The following NUP50 variants were observed in gnomAD, a reference collection of about 807,000 sequenced individuals.
The protein encoded by NUP50 is nucleoporin 50, also known as nuclear pore complex protein Nup50.
In NUP50, 14 loss-of-function variants were observed where a neutral mutation model predicts 36.8. The observed-to-expected ratio is 0.38, with a 90% confidence interval of 0.25 to 0.59. NUP50 has a LOEUF of 0.59. Among genes scored for constraint, NUP50 ranks in the 20% least tolerant of loss-of-function variants. The pLI is 0.63. For synonymous variants in NUP50, 195 were observed against 210.8 expected, an observed-to-expected ratio of 0.93 and a Z score of 0.65; for missense variants, 455 against 564.6, an observed-to-expected ratio of 0.81 and a Z score of 1.97.
chr22:45,176,756 T>G (rs1469211730), intron 4 of NUP50, among the ~76,000 whole-genome samples: 2 of 152,116 alleles, frequency 1.3e-5, no homozygotes, highest in East Asian at 1.9e-4. Context: ...TGTTGTTGTT[T>G]TTTCTAAGTT....
intron 5 of NUP50, 73 bp from the exon 6 acceptor site, chr22:45,181,213 C>T (rs531724070): frequency 1.5e-4 from 130 of 852,920 alleles, no homozygotes; most frequent in African/African-American, 6.5e-4. Flanking sequence ...TAGGGTGTTA[C>T]GTAACAAAAC....
intron 1 of NUP50, among the ~76,000 whole-genome samples, chr22:45,165,515 C>G (rs1427054658): frequency 6.6e-6 from 1 of 152,188 alleles, no homozygotes; most frequent in African/African-American, 2.4e-5. Flanking sequence ...TTCTTCATAA[C>G]AGTAGCTAGA....
intron 1 of NUP50, chr22:45,165,941 C>G (rs997949715): frequency 1.3e-5 from 2 of 152,182 alleles, no homozygotes; most frequent in African/African-American, 4.8e-5. Flanking sequence ...AACTGGGATG[C>G]CAGCATCTTT....
chr22:45,171,268 C>G (rs920745609), intron 2 of NUP50: 1 of 827,208 alleles, frequency 1.2e-6, no homozygotes, highest in Non-Finnish European at 1.6e-6. Flanking sequence ...GCTATCTCGG[C>G]TCACTGCAAC....
Position 45,168,241 on chromosome 22 carries a change from G to A in NUP50, c.64G>A (p.Glu22Lys). 4.4e-6 allele frequency: 7 copies of A among 1,607,938 alleles called. No individual in the cohort carries two copies. Among genetic ancestry groups the A allele is most frequent in the Non-Finnish European group, 5.1e-6 (6 of 1,177,830 alleles). Residue 22 changes from glutamate (E) to lysine (K), a missense_variant, in exon 2 of 8, where the codon GAA (glutamate) becomes AAA (lysine). This residue lies in a region of NUP50 where 166 missense variants were observed against 202.8 expected (regional missense o/e 0.82). Transcript: ENST00000347635. ...DRNWDQEDEAEEVGTFSMASE... is the reference protein window; with the variant it reads ...DRNWDQEDEAKEVGTFSMASE... ...GAATTGGGATCAAGAAGATGAAGCT[G>A]AAGAGGTAAAAAGCAGCTTCCCTAA...
chr22:45,183,807 C>T (rs141017251), intron 7 of NUP50: 23 of 317,860 alleles, frequency 7.2e-5, no homozygotes, highest in African/African-American at 4.5e-4. Flanking sequence ...GGAAATTAAC[C>T]TTTTAAAGGA....
At chr22:45,181,489 T>C (rs931138781) in intron 6 of NUP50, 122 bp downstream of exon 6, 7 of 546,998 alleles carry the variant, frequency 1.3e-5, no homozygotes, top group Non-Finnish European at 2.0e-5. Context: ...CTTTGCCTGC[T>C]CTCAAGTGGA....
In NUP50 at chr22:45,187,827, G is replaced by A. The variant is rs2083465955; in HGVS notation, c.*3172G>A. The stretch of plus-strand genomic sequence containing the variant: ...ATGCAGACACAATTGTAATGGAGAT[G>A]TAAAACTTCTTAGCAATCAGATGGA... On this transcript the variant is annotated 3_prime_UTR_variant, in exon 8 of 8. Transcript: ENST00000347635. The A allele has an allele frequency of 6.6e-6, 1 of 152,642 alleles. No individual in the cohort carries two copies. Among genetic ancestry groups the A allele is most frequent in the African/African-American group, 2.4e-5 (1 of 41,458 alleles). 9.5% of individuals were successfully genotyped at this position (152,642 alleles called of 1,614,324 possible).
chr22:45,168,133 T>C (rs781462169), intron 1 of NUP50, 35 bp from the exon 2 acceptor site: 2 of 1,460,130 alleles, frequency 1.4e-6, no homozygotes, highest in East Asian at 2.3e-5. Context: ...TTTATTCTTC[T>C]AGAAAAATAA....
chr22:45,184,338 T>A, intron 7 of NUP50, 115 bp from the exon 8 acceptor site: 1 of 961,754 alleles, frequency 1.0e-6, no homozygotes, highest in Non-Finnish European at 1.6e-6. Flanking sequence ...TCCTGTTGGC[T>A]CCCTGTCTTA....
intron 3 of NUP50, among the ~76,000 whole-genome samples, chr22:45,172,584 C>G (rs2074212815): frequency 1.3e-5 from 2 of 151,398 alleles, no homozygotes; most frequent in Admixed American, 6.6e-5. Context: ...AAGGGACATG[C>G]AAGCTTATTT....
intron 2 of NUP50, among the ~76,000 whole-genome samples, chr22:45,168,898 A>AAT (rs569292072): frequency 0.031 from 4,038 of 131,632 alleles, 191 homozygotes; most frequent in East Asian, 0.11. Context: ...TATAAAAAAA[A>AAT]TTTTTTTTTT....
chr22:45,175,228 G>A (rs890866675), intron 3 of NUP50, among the ~76,000 whole-genome samples: 2 of 152,196 alleles, frequency 1.3e-5, no homozygotes, highest in African/African-American at 4.8e-5. Flanking sequence ...CATTTCCAGA[G>A]CATCTTAGGT....
intron 6 of NUP50, among the ~76,000 whole-genome samples, chr22:45,182,623 G>GCTT (rs766996077): frequency 6.3e-5 from 6 of 95,942 alleles, no homozygotes; most frequent in African/African-American, 2.5e-4. Context: ...CTTGAGGTTT[G>GCTT]TTTTTTTTTT....
In NUP50 at chr22:45,175,879, T is replaced by C. The variant is rs2074268950; in HGVS notation, c.154-15T>C. 2.5e-6 allele frequency: 4 copies of C among 1,613,626 alleles called. No individual in the cohort carries two copies. Among genetic ancestry groups the C allele is most frequent in the Non-Finnish European group, 3.4e-6 (4 of 1,179,832 alleles). ...AGTACACTTACCTAATGTGTGCTCC[T>C]CCTTCATACTTCAGTCTGACACTGG... is the stretch of plus-strand genomic sequence containing the variant. On this transcript the variant is annotated splice_polypyrimidine_tract_variant and intron_variant, in intron 3 of 7. Transcript: ENST00000347635.
intron 3 of NUP50, among the ~76,000 whole-genome samples, chr22:45,174,994 A>G (rs978649687): frequency 2.0e-5 from 3 of 151,646 alleles, no homozygotes; most frequent in African/African-American, 7.3e-5. Context: ...AATCATGGTT[A>G]TAATTCACTC....
At chr22:45,170,497 C>T (rs1035243765) in intron 2 of NUP50, among the ~76,000 whole-genome samples, 1 of 152,188 alleles carries the variant, frequency 6.6e-6, no homozygotes, top group Non-Finnish European at 1.5e-5. Flanking sequence ...GCAACTGTTT[C>T]CAAGCTTATT....
rs542360566 is a variant in NUP50, at chr22:45,187,083, A to T, written c.*2428A>T. On this transcript the variant is annotated 3_prime_UTR_variant, in exon 8 of 8. Transcript: ENST00000347635. ...TGTTTGAGAATCTATGAAGTGTATC[A>T]TATACGTGGCCTAAAGCAAGGTGTG... 1.1e-4 allele frequency: 17 copies of T among 151,904 alleles called. No homozygotes were observed. The highest frequency in any genetic ancestry group is 6.2e-4 in the South Asian group (3 of 4,810). 9.4% of individuals were successfully genotyped at this position (151,904 alleles called of 1,614,324 possible). A position where few individuals can be genotyped will look rare whatever the true frequency, so the allele number is the denominator to read the frequency against.
At chr22:45,180,379 TTTTA>T (rs988647248) in intron 5 of NUP50, 3 of 151,302 alleles carry the variant, frequency 2.0e-5, no homozygotes, top group Non-Finnish European at 4.4e-5. Flanking sequence ...ATGTGGGGTT[TTTTA>T]TTTTTTTGAG....
Sources: allele counts gnomAD v4.1 joint callset (sites outside exome capture counted in the v4.1 genomes callset), GRCh38; gene constraint gnomAD v4.1.1; regional missense constraint gnomAD v4.1.1; transcripts MANE v1.5; gene names NCBI Gene and HGNC (gene_info 2026-07-23, HGNC 2026-07-21).